Variants in SLIT3 observed in about 807,000 individuals in gnomAD.
The protein encoded by SLIT3 is slit guidance ligand 3, also known as slit homolog 3 protein.
SLIT3 carries 68 observed loss-of-function variants against 184.0 expected under a neutral mutation model. That is an observed-to-expected ratio of 0.37 (90% CI 0.30 to 0.45). SLIT3 has a LOEUF of 0.45. Ranked by LOEUF, SLIT3 falls within the 20% of genes least tolerant of loss-of-function variation. The pLI is 1.00. For missense variants in SLIT3, 1,707 were observed against 2,026.0 expected, an observed-to-expected ratio of 0.84 and a Z score of 3.02; for synonymous variants, 831 against 828.6, an observed-to-expected ratio of 1.00 and a Z score of -0.05.
At position 168,806,917 on chromosome 5, in the gene SLIT3, A is replaced by G. The variant is rs146997341; in HGVS notation, c.794-330T>C. Among the ~76,000 whole-genome samples the G allele has an allele frequency of 3.8e-3, 581 of 152,290 alleles. 21 individuals are homozygous for G. In the East Asian group the frequency reaches 0.073, roughly 19 times the overall value. ...AATCCAAAGAGCATATGATGGGACC[A>G]CTTTCCCAGGATGCATCCTGGGGTT... is the stretch of plus-strand genomic sequence containing the variant. On this transcript the variant is annotated intron_variant, in intron 8 of 35. Transcript: ENST00000519560.
At chr5:168,779,391 G>A (rs1465159390) in intron 12 of SLIT3, among the ~76,000 whole-genome samples, 1 of 152,180 alleles carries the variant, frequency 6.6e-6, no homozygotes, top group Non-Finnish European at 1.5e-5. Flanking sequence ...ACAACAAAAA[G>A]AGCCATGCTC....
chr5:168,774,600 C>T (rs1440319837), intron 12 of SLIT3, among the ~76,000 whole-genome samples: 2 of 152,154 alleles, frequency 1.3e-5, no homozygotes, highest in Non-Finnish European at 2.9e-5. Context: ...AGACACTATG[C>T]CATACACTGC....
chr5:169,165,040 G>A (rs1762590430), intron 4 of SLIT3, among the ~76,000 whole-genome samples: 1 of 152,242 alleles, frequency 6.6e-6, no homozygotes, highest in African/African-American at 2.4e-5. Flanking sequence ...CTCTAGGGAG[G>A]GATAAGGGAG....
At chr5:168,847,828 G>A (rs575082872) in intron 5 of SLIT3, among the ~76,000 whole-genome samples, 12 of 152,186 alleles carry the variant, frequency 7.9e-5, no homozygotes, top group African/African-American at 2.4e-4. Flanking sequence ...TGACCGGGGG[G>A]CCACTGATGT....
intron 3 of SLIT3, among the ~76,000 whole-genome samples, chr5:169,234,890 T>C (rs575565615): frequency 6.6e-6 from 1 of 152,348 alleles, no homozygotes; most frequent in Non-Finnish European, 1.5e-5. Flanking sequence ...ACATAAGGTT[T>C]TGGCATCAAA....
intron 14 of SLIT3, chr5:168,768,121 TGGTGGCGGC>T (rs1331242700): frequency 1.5e-5 from 7 of 481,788 alleles, no homozygotes; most frequent in South Asian, 3.1e-5. Context: ...TGTCCAGCGG[TGGTGGCGGC>T]GGTGGCGGGC....
In SLIT3 at chr5:168,838,706, A is replaced by C. The variant is rs1423102475; in HGVS notation, c.557+5878T>G. On this transcript the variant is annotated intron_variant, in intron 6 of 35. Coordinates refer to ENST00000519560, the MANE Select transcript of SLIT3 (RefSeq NM_003062.4). ...AGCACACCCTGACCTAGGTTTCAGG[A>C]CTGCTGTCGATTTTTTTCCACTGCC... Among the ~76,000 whole-genome samples, 6 of 152,212 alleles carry C rather than the reference A, an allele frequency of 3.9e-5. No individual in the cohort carries two copies. In the East Asian group the frequency reaches 1.2e-3, roughly 29 times the overall value.
At chr5:168,993,710 A>G (rs536916001) in intron 4 of SLIT3, among the ~76,000 whole-genome samples, 4 of 151,522 alleles carry the variant, frequency 2.6e-5, no homozygotes, top group Non-Finnish European at 5.9e-5. Context: ...GATGATAGGC[A>G]GAAAAGAAAC....
chr5:169,046,177 G>A (rs1020094418), intron 4 of SLIT3, among the ~76,000 whole-genome samples: 9 of 152,140 alleles, frequency 5.9e-5, no homozygotes, highest in African/African-American at 2.2e-4. Context: ...AGGTAAAGAG[G>A]TGGTATTGCC....
chr5:168,742,328 G>T (rs1165901608), intron 20 of SLIT3, among the ~76,000 whole-genome samples: 1 of 151,442 alleles, frequency 6.6e-6, no homozygotes, highest in African/African-American at 2.4e-5. Flanking sequence ...ACCCATTTCA[G>T]ACTGGAGGGA....
At chr5:168,885,611 C>T (rs140715166) in intron 4 of SLIT3, among the ~76,000 whole-genome samples, 101 of 152,282 alleles carry the variant, frequency 6.6e-4, no homozygotes, top group African/African-American at 2.2e-3. Context: ...AGCCTTTGCC[C>T]ACTACCCTCC....
chr5:169,120,481 A>G (rs2113286188), intron 4 of SLIT3: 1 of 152,334 alleles, frequency 6.6e-6, no homozygotes, highest in East Asian at 1.9e-4. Context: ...GGACTCTAGA[A>G]TCAGGAAAAA....
chr5:169,295,690 A>G (rs1767480779), intron 1 of SLIT3, among the ~76,000 whole-genome samples: 1 of 152,268 alleles, frequency 6.6e-6, no homozygotes, highest in Non-Finnish European at 1.5e-5. Flanking sequence ...AAGAGGTTCT[A>G]CAGCTGCAAC....
chr5:169,179,277 T>C (rs920115597), intron 4 of SLIT3, among the ~76,000 whole-genome samples: 1 of 8,160 alleles, frequency 1.2e-4, no homozygotes, highest in African/African-American at 5.2e-4. Context: ...TTCCTTTTTC[T>C]TTTTTTTTTT....
At chr5:168,780,760 C>A (rs1457966426) in intron 12 of SLIT3, among the ~76,000 whole-genome samples, 1 of 152,142 alleles carries the variant, frequency 6.6e-6, no homozygotes, top group Non-Finnish European at 1.5e-5. Context: ...TTTCTTTATC[C>A]ATTAATTGTA....
intron 4 of SLIT3, among the ~76,000 whole-genome samples, chr5:169,175,864 C>T (rs1269861774): frequency 1.3e-5 from 2 of 152,194 alleles, no homozygotes; most frequent in Admixed American, 6.5e-5. Context: ...AGGGTGAGAG[C>T]CATGACTATG....
intron 4 of SLIT3, among the ~76,000 whole-genome samples, chr5:168,984,315 GCTC>G (rs1356541075): frequency 6.6e-6 from 1 of 152,100 alleles, no homozygotes; most frequent in East Asian, 1.9e-4. Flanking sequence ...CTGATGCAGA[GCTC>G]CTCAAATTGC....
chr5:169,293,786 G>C (rs1166831760), intron 1 of SLIT3, among the ~76,000 whole-genome samples: 1 of 152,164 alleles, frequency 6.6e-6, no homozygotes. Context: ...GGGTTTCACT[G>C]TATCAAACAT....
intron 4 of SLIT3, among the ~76,000 whole-genome samples, chr5:169,066,433 T>A (rs13164494): frequency 0.04 from 6,141 of 152,222 alleles, 169 homozygotes; most frequent in Middle Eastern, 0.082. Context: ...AACATATGCA[T>A]GAAAAAACGC....
Sources: allele counts gnomAD v4.1 joint callset (sites outside exome capture counted in the v4.1 genomes callset), GRCh38; gene constraint gnomAD v4.1.1; transcripts MANE v1.5; gene names NCBI Gene and HGNC (gene_info 2026-07-23, HGNC 2026-07-21).